The following CDKL4 variants were observed in gnomAD, a reference collection of about 807,000 sequenced individuals.
The protein encoded by CDKL4 is cyclin dependent kinase like 4.
CDKL4 carries 44 observed loss-of-function variants against 42.0 expected under a neutral mutation model. The ratio of observed to expected loss-of-function variants is 1.05; its 90% CI spans 0.82 to 1.35. The LOEUF (loss-of-function observed/expected upper bound fraction) is 1.35, where lower values mean the gene tolerates loss of function less well. CDKL4 is among the 40% of genes most tolerant of loss of function. The pLI is 0.00. For synonymous variants in CDKL4, 120 were observed against 121.6 expected, an observed-to-expected ratio of 0.99 and a Z score of 0.09; for missense variants, 393 against 369.9, an observed-to-expected ratio of 1.06 and a Z score of -0.51.
At chr2:39,220,976 CTTTTTTTTT>C (rs1157655136) in intron 3 of CDKL4, among the ~76,000 whole-genome samples, 2,884 of 49,330 alleles carry the variant, frequency 0.058, 74 homozygotes, top group Middle Eastern at 0.19. Context: ...CATCGACGAT[CTTTTTTTTT>C]TTTTTTTTTT....
At chr2:39,194,903 A>G (rs1267233463) in intron 5 of CDKL4, among the ~76,000 whole-genome samples, 1 of 152,124 alleles carries the variant, frequency 6.6e-6, no homozygotes, top group Non-Finnish European at 1.5e-5. Flanking sequence ...CATCACCACT[A>G]TGCACCTCCA....
chr2:39,212,028 T>A (rs1272674161), intron 4 of CDKL4, among the ~76,000 whole-genome samples: 1 of 152,138 alleles, frequency 6.6e-6, no homozygotes, highest in African/African-American at 2.4e-5. Context: ...CAGCCAAAAT[T>A]ATTTCTCTAA....
intron 4 of CDKL4, among the ~76,000 whole-genome samples, chr2:39,209,226 T>C (rs1382903657): frequency 7.9e-5 from 12 of 151,496 alleles, no homozygotes; most frequent in African/African-American, 2.9e-4. Context: ...GTGGAAGGAT[T>C]GTTTGAGCAT....
chr2:39,217,710 T>C (rs1342321261), intron 3 of CDKL4, among the ~76,000 whole-genome samples: 2 of 3,352 alleles, frequency 6.0e-4, no homozygotes, highest in African/African-American at 1.0e-3. Flanking sequence ...TATTATTTAT[T>C]TATTTATTTA....
At chr2:39,185,336 A>G (rs1314199385) in intron 7 of CDKL4, among the ~76,000 whole-genome samples, 6 of 90,886 alleles carry the variant, frequency 6.6e-5, no homozygotes, top group Non-Finnish European at 1.2e-4. Context: ...ACACATATGT[A>G]TATATATACA....
chr2:39,218,979 C>G (rs895592545), intron 3 of CDKL4, among the ~76,000 whole-genome samples: 3 of 152,180 alleles, frequency 2.0e-5, no homozygotes, highest in Admixed American at 6.5e-5. Context: ...TGGGCATTCT[C>G]TAACTCCACA....
intron 5 of CDKL4, among the ~76,000 whole-genome samples, chr2:39,196,509 A>G (rs954837286): frequency 6.6e-6 from 1 of 152,210 alleles, no homozygotes; most frequent in Non-Finnish European, 1.5e-5. Flanking sequence ...GGGACAAAAG[A>G]ATCTGAACAG....
At chr2:39,172,745 C>A (rs1675036340), downstream of CDKL4, among the ~76,000 whole-genome samples, 1 of 152,116 alleles carries the variant, frequency 6.6e-6, no homozygotes, top group South Asian at 2.1e-4. Flanking sequence ...TCATGCCAGG[C>A]TAATTTTTGT....
chr2:39,225,356 G>C (rs1250113153), intron 3 of CDKL4, among the ~76,000 whole-genome samples: 1 of 151,232 alleles, frequency 6.6e-6, no homozygotes, highest in Non-Finnish European at 1.5e-5. Context: ...AGTGAGCTGA[G>C]ATCGCGCCAC....
intron 5 of CDKL4, among the ~76,000 whole-genome samples, chr2:39,190,847 T>C (rs960388371): frequency 6.6e-6 from 1 of 152,174 alleles, no homozygotes; most frequent in Non-Finnish European, 1.5e-5. Flanking sequence ...GTGCACTGAA[T>C]TGTGTCCCCT....
chr2:39,175,811 T>G (rs1308917543), exon 10 of CDKL4: 7 of 279,340 alleles, frequency 2.5e-5, no homozygotes, highest in Non-Finnish European at 6.8e-6. Flanking sequence ...AAGAAAATAT[T>G]CTAAAAGATA....
intron 5 of CDKL4, among the ~76,000 whole-genome samples, chr2:39,195,916 G>A (rs1242823551): frequency 6.6e-6 from 1 of 152,178 alleles, no homozygotes; most frequent in Non-Finnish European, 1.5e-5. Context: ...AGAGCAGCGT[G>A]TGGAGACTTA....
chr2:39,190,297 A>G lies in CDKL4; in HGVS notation c.652+8T>C, dbSNP rs781112079. ...AGCAACTCTGTTGCCATAAAATGCA[A>G]TTCATACCTAGTGTTCTGATTATCA... is the stretch of plus-strand genomic sequence containing the variant. On this transcript the variant is annotated splice_region_variant and intron_variant, in intron 6 of 9. Transcript: ENST00000451199. 13 of 1,611,176 alleles carry G rather than the reference A, an allele frequency of 8.1e-6. No individual in the cohort carries two copies. In the East Asian group the frequency reaches 2.9e-4, roughly 36 times the overall value.
chr2:39,234,319 T>C (rs939241071), intron 1 of CDKL4, among the ~76,000 whole-genome samples: 1 of 152,034 alleles, frequency 6.6e-6, no homozygotes, highest in Admixed American at 6.6e-5. Context: ...AAAGACAAAA[T>C]CATCTCAGAA....
At chr2:39,194,906 C>T (rs1676420003) in intron 5 of CDKL4, among the ~76,000 whole-genome samples, 1 of 152,174 alleles carries the variant, frequency 6.6e-6, no homozygotes, top group Non-Finnish European at 1.5e-5. Context: ...CACCACTATG[C>T]ACCTCCAAAG....
intron 4 of CDKL4, among the ~76,000 whole-genome samples, chr2:39,212,948 C>T (rs545083118): frequency 6.6e-6 from 1 of 152,244 alleles, no homozygotes; most frequent in Admixed American, 6.5e-5. Context: ...AGGCATGAGC[C>T]ACCATACCGG....
intron 1 of CDKL4, among the ~76,000 whole-genome samples, chr2:39,237,472 T>C (rs1679433739): frequency 6.6e-6 from 1 of 152,214 alleles, no homozygotes; most frequent in African/African-American, 2.4e-5. Context: ...AAAAAGATGT[T>C]TGCTTTCACT....
intron 9 of CDKL4, chr2:39,178,493 G>T: frequency 7.0e-7 from 1 of 1,435,422 alleles, no homozygotes; most frequent in Non-Finnish European, 9.6e-7. Flanking sequence ...TTAGGTGCCG[G>T]GTTTACAAGG....
At chr2:39,178,341 T>C (rs1170315738) in intron 9 of CDKL4, among the ~76,000 whole-genome samples, 2 of 152,204 alleles carry the variant, frequency 1.3e-5, no homozygotes, top group Non-Finnish European at 2.9e-5. Flanking sequence ...AGATTGAAGA[T>C]GAAAGATTAA....
Sources: gnomAD v4.1 joint callset for allele counts (sites outside exome capture counted in the v4.1 genomes callset) on GRCh38, gnomAD v4.1.1 for gene constraint, MANE v1.5 for transcripts, NCBI Gene and HGNC (gene_info 2026-07-23, HGNC 2026-07-21) for gene names.